LHFPL2: variants seen among roughly 807,000 people sequenced by gnomAD.
LHFPL2 encodes LHFPL tetraspan subfamily member 2 protein.
Under a neutral mutation model 17.5 loss-of-function variants are expected in LHFPL2, and 7 were observed. The observed-to-expected ratio is 0.40, with a 90% CI of 0.23 to 0.75. LHFPL2 has a LOEUF of 0.75. Among genes scored for constraint, LHFPL2 ranks in the 30% least tolerant of loss-of-function variants. LHFPL2 has a pLI of 0.37. For synonymous variants in LHFPL2, 134 were observed against 116.2 expected, an observed-to-expected ratio of 1.15 and a Z score of -0.99; for missense variants, 241 against 294.8, an observed-to-expected ratio of 0.82 and a Z score of 1.34.
intron 2 of LHFPL2, among the ~76,000 whole-genome samples, chr5:78,591,520 G>C (rs767368446): frequency 4.6e-4 from 70 of 152,210 alleles, no homozygotes; most frequent in Non-Finnish European, 6.8e-4. Flanking sequence ...GGAAAAGCAA[G>C]GCAGAAAGTG....
intron 2 of LHFPL2, among the ~76,000 whole-genome samples, chr5:78,593,690 C>A (rs1743725743): frequency 6.6e-6 from 1 of 152,142 alleles, no homozygotes; most frequent in Non-Finnish European, 1.5e-5. Context: ...GGAGAAGAGG[C>A]AACCTGAGAA....
At chr5:78,543,630 A>G (rs10043523) in intron 3 of LHFPL2, among the ~76,000 whole-genome samples, 62,386 of 151,982 alleles carry the variant, frequency 0.41, 13,027 homozygotes, top group Middle Eastern at 0.49. Context: ...GTCAGGAGCC[A>G]GCAAAGCCCA....
chr5:78,492,543 C>G (rs1189135081), intron 4 of LHFPL2, among the ~76,000 whole-genome samples: 1 of 152,190 alleles, frequency 6.6e-6, no homozygotes, highest in Non-Finnish European at 1.5e-5. Flanking sequence ...GCGTGCTGAG[C>G]CCAGCCAGGA....
chr5:78,506,849 G>A (rs11740877), intron 4 of LHFPL2, among the ~76,000 whole-genome samples: 1 of 152,038 alleles, frequency 6.6e-6, no homozygotes. Flanking sequence ...TCTCTGCCTT[G>A]TGCCAATTTA....
intron 3 of LHFPL2, among the ~76,000 whole-genome samples, chr5:78,534,036 G>C (rs1451440229): frequency 6.6e-6 from 1 of 152,222 alleles, no homozygotes. Flanking sequence ...GGAAGGCCCA[G>C]CAAGGAGACA....
At chr5:78,531,598 TGA>T (rs1755786791) in intron 3 of LHFPL2, among the ~76,000 whole-genome samples, 1 of 152,120 alleles carries the variant, frequency 6.6e-6, no homozygotes, top group African/African-American at 2.4e-5. Flanking sequence ...GCACCAAAGG[TGA>T]ATGTCTTACT....
chr5:78,523,072 G>A lies in LHFPL2; in HGVS notation c.-185-12674C>T, dbSNP rs985665726. 1.3e-4 allele frequency among the ~76,000 whole-genome samples: 19 copies of A among 151,912 alleles called. 1 individual carries two copies. Among genetic ancestry groups the A allele is most frequent in the African/African-American group, 4.4e-4 (18 of 41,340 alleles). ...TGTTCTCAGCAAGACAGAAGTGGCT[G>A]ATAACCCTTTTCTGGCGTGTGCACG... On this transcript the variant is annotated intron_variant, in intron 3 of 4. Coordinates refer to ENST00000380345, the MANE Select transcript of LHFPL2 (RefSeq NM_005779.3).
At chr5:78,576,281 C>T (rs1188983373) in intron 2 of LHFPL2, among the ~76,000 whole-genome samples, 1 of 146,962 alleles carries the variant, frequency 6.8e-6, no homozygotes, top group Admixed American at 6.9e-5. Context: ...GGCAACAGAG[C>T]GAGACTCCAT....
chr5:78,591,988 CT>C (rs369840852), intron 2 of LHFPL2, among the ~76,000 whole-genome samples: 10 of 152,330 alleles, frequency 6.6e-5, no homozygotes, highest in African/African-American at 2.4e-4. Flanking sequence ...CGCAGGAGGG[CT>C]GGGAAGTGGG....
intron 2 of LHFPL2, among the ~76,000 whole-genome samples, chr5:78,575,318 G>GTGCGTGGA (rs2086379899): frequency 6.6e-6 from 1 of 152,196 alleles, no homozygotes; most frequent in African/African-American, 2.4e-5. Context: ...GGAGGCCGAG[G>GTGCGTGGA]TGCGTGGATC....
At chr5:78,540,340 A>G (rs1756073738) in intron 3 of LHFPL2, among the ~76,000 whole-genome samples, 1 of 152,250 alleles carries the variant, frequency 6.6e-6, no homozygotes, top group Non-Finnish European at 1.5e-5. Flanking sequence ...TCTGGGCTGC[A>G]GCATTTTATC....
chr5:78,608,081 A>G lies in LHFPL2; in HGVS notation c.-245+24183T>C, dbSNP rs546467786. Among the ~76,000 whole-genome samples the G allele has an allele frequency of 5.3e-5, 8 of 152,366 alleles. No homozygotes were observed. The South Asian group carries it at 1.7e-3, about 32-fold the overall frequency. ...CACCAGGGGATGGACAAATGAGATC[A>G]AGGAGATAAAGTTCAAAGAGGTGGA... On this transcript the variant is annotated intron_variant, in intron 2 of 4. Coordinates refer to ENST00000380345, the MANE Select transcript of LHFPL2 (RefSeq NM_005779.3).
At chr5:78,623,843 C>T (rs1181878067) in intron 2 of LHFPL2, among the ~76,000 whole-genome samples, 1 of 152,170 alleles carries the variant, frequency 6.6e-6, no homozygotes, top group Non-Finnish European at 1.5e-5. Flanking sequence ...TTACCATTTG[C>T]TCCAAAGCAC....
chr5:78,618,115 C>T (rs1279050076), intron 2 of LHFPL2, among the ~76,000 whole-genome samples: 1 of 151,896 alleles, frequency 6.6e-6, no homozygotes, highest in Non-Finnish European at 1.5e-5. Flanking sequence ...GAAGGAGAAT[C>T]AATTGAACCC....
chr5:78,511,455 C>T (rs1489151739), intron 3 of LHFPL2, among the ~76,000 whole-genome samples: 1 of 152,218 alleles, frequency 6.6e-6, no homozygotes, highest in African/African-American at 2.4e-5. Flanking sequence ...GGCTGGTTTG[C>T]AGCCCCATTT....
intron 4 of LHFPL2, among the ~76,000 whole-genome samples, chr5:78,507,342 G>GAA (rs1561310887): frequency 6.7e-6 from 1 of 149,578 alleles, no homozygotes; most frequent in Admixed American, 6.6e-5. Flanking sequence ...AAAAAAAAAA[G>GAA]AAAAGAAAAA....
intron 3 of LHFPL2, among the ~76,000 whole-genome samples, chr5:78,538,006 C>CTACT (rs777133849): frequency 6.6e-6 from 1 of 152,180 alleles, no homozygotes; most frequent in Non-Finnish European, 1.5e-5. Flanking sequence ...GTAGATGGCA[C>CTACT]TACTTCATCA....
intron 4 of LHFPL2, among the ~76,000 whole-genome samples, chr5:78,504,225 G>A (rs978009430): frequency 3.3e-5 from 5 of 152,198 alleles, no homozygotes; most frequent in African/African-American, 1.2e-4. Flanking sequence ...ACAAAAGGAA[G>A]GGCTGTTCCC....
At chr5:78,524,011 G>A (rs1255530203) in intron 3 of LHFPL2, among the ~76,000 whole-genome samples, 1 of 152,156 alleles carries the variant, frequency 6.6e-6, no homozygotes, top group African/African-American at 2.4e-5. Context: ...CAGGAGTTCA[G>A]ACAAACAGGA....
Sources: allele counts gnomAD v4.1 joint callset (sites outside exome capture counted in the v4.1 genomes callset), GRCh38; gene constraint gnomAD v4.1.1; transcripts MANE v1.5; gene names NCBI Gene and HGNC (gene_info 2026-07-23, HGNC 2026-07-21).